Variants in STAT5B observed in about 807,000 individuals in gnomAD.
STAT5B encodes the protein transcription factor STAT5B.
Under a neutral mutation model 107.8 loss-of-function variants are expected in STAT5B, and 21 were observed. The observed-to-expected ratio is 0.19, with a 90% CI of 0.14 to 0.28. STAT5B has a LOEUF of 0.28. Ranked by LOEUF, STAT5B falls within the 10% of genes least tolerant of loss-of-function variation. The pLI is 1.00. For missense variants in STAT5B, 565 were observed against 1,008.2 expected, an observed-to-expected ratio of 0.56 and a Z score of 5.95; for synonymous variants, 325 against 401.7, an observed-to-expected ratio of 0.81 and a Z score of 2.28.
At chr17:42,237,168 C>T (rs934004267) in intron 1 of STAT5B, among the ~76,000 whole-genome samples, 1 of 152,170 alleles carries the variant, frequency 6.6e-6, no homozygotes, top group Non-Finnish European at 1.5e-5. Flanking sequence ...GCATAAAGCA[C>T]CTACCTCAAC....
chr17:42,256,357 A>C (rs1023698453), intron 1 of STAT5B, among the ~76,000 whole-genome samples: 2 of 152,070 alleles, frequency 1.3e-5, no homozygotes, highest in African/African-American at 4.8e-5. Context: ...CTGGGATTAT[A>C]GGCATGAGCC....
Position 42,205,215 on chromosome 17 carries a change from G to A in STAT5B, c.2077+2343C>T, listed in dbSNP as rs148859195. Among the ~76,000 whole-genome samples the A allele has an allele frequency of 1.4e-3, 212 of 151,914 alleles. 5 individuals are homozygous for A. In the East Asian group the frequency reaches 0.034, roughly 25 times the overall value. ...GCTAATTTTTGTATGTTTTTTAGTA[G>A]AGATGGGGTTTCACCATGTTGGCCA... On this transcript the variant is annotated intron_variant, in intron 16 of 18. Transcript: ENST00000293328.
intron 1 of STAT5B, among the ~76,000 whole-genome samples, chr17:42,255,614 G>A (rs902556692): frequency 2.6e-5 from 4 of 152,198 alleles, no homozygotes; most frequent in African/African-American, 9.6e-5. Flanking sequence ...AACTCATAGA[G>A]ACAGAAAGAA....
chr17:42,226,867 A>G (rs1186977903), intron 3 of STAT5B, among the ~76,000 whole-genome samples: 1 of 149,124 alleles, frequency 6.7e-6, no homozygotes, highest in African/African-American at 2.5e-5. Context: ...GCTCATGCCT[A>G]TAATTTCAAC....
intron 4 of STAT5B, among the ~76,000 whole-genome samples, chr17:42,224,239 A>C (rs543345421): frequency 1.4e-4 from 22 of 152,250 alleles, no homozygotes; most frequent in Non-Finnish European, 1.6e-4. Context: ...TTTACTAAAA[A>C]ATTATTCAGC....
At chr17:42,251,319 A>G (rs2080497766) in intron 1 of STAT5B, among the ~76,000 whole-genome samples, 1 of 152,244 alleles carries the variant, frequency 6.6e-6, no homozygotes, top group Non-Finnish European at 1.5e-5. Flanking sequence ...ACTTGTGGTC[A>G]GAATTAGCAA....
intron 16 of STAT5B, among the ~76,000 whole-genome samples, chr17:42,205,105 G>A (rs2080075429): frequency 6.6e-6 from 1 of 152,078 alleles, no homozygotes; most frequent in Non-Finnish European, 1.5e-5. Context: ...TTGGCTCACT[G>A]CAACCTCCGC....
intron 1 of STAT5B, among the ~76,000 whole-genome samples, chr17:42,239,266 AAGG>A (rs2144319852): frequency 6.6e-6 from 1 of 151,490 alleles, no homozygotes; most frequent in East Asian, 1.9e-4. Flanking sequence ...AAAAAAAAAA[AAGG>A]AGAAGAAAAC....
At chr17:42,237,031 AT>A (rs770655223) in intron 1 of STAT5B, among the ~76,000 whole-genome samples, 1 of 152,194 alleles carries the variant, frequency 6.6e-6, no homozygotes, top group Non-Finnish European at 1.5e-5. Flanking sequence ...TGGGAAATGG[AT>A]TCACAATCTT....
intron 1 of STAT5B, among the ~76,000 whole-genome samples, chr17:42,259,146 C>A (rs2080572331): frequency 6.6e-6 from 1 of 152,176 alleles, no homozygotes; most frequent in Non-Finnish European, 1.5e-5. Context: ...ATACCTGAAA[C>A]AGGGTGGGCT....
chr17:42,211,987 G>A lies in STAT5B; in HGVS notation c.1677C>T (p.Asn559=), dbSNP rs1198315741. The A allele has an allele frequency of 1.9e-6, 3 of 1,611,096 alleles. No individual in the cohort carries two copies. The highest frequency in any genetic ancestry group is 2.5e-6 in the Non-Finnish European group (3 of 1,178,728). The change falls in exon 13 of 19, where the codon AAC becomes AAT. Residue 559 remains asparagine (N), a synonymous_variant. Transcript: ENST00000293328. ...GGCTGGCAGCTGGGCTCCTCACCCT[G>A]TTGAACTGGGACCAGGACACAGACA... ...SGLSVSWSQF[N]RENLPGRNYT...
Position 42,210,390 on chromosome 17 carries a change from T to C in STAT5B, c.1775+13A>G. On this transcript the variant is annotated intron_variant, in intron 14 of 18. Transcript: ENST00000293328. Reference sequence around the variant, plus strand: ...CAGACTCTGTCGGCGCCTTAAGAAATAATGATTCTCACCCATCATTCCAAT... The same window carrying C: ...CAGACTCTGTCGGCGCCTTAAGAAACAATGATTCTCACCCATCATTCCAAT... 1 of 1,614,076 alleles carries C rather than the reference T, an allele frequency of 6.2e-7. No homozygotes were observed. Among genetic ancestry groups the C allele is most frequent in the Non-Finnish European group, 8.5e-7 (1 of 1,180,002 alleles).
intron 1 of STAT5B, chr17:42,234,697 T>G (rs1010797065): frequency 1.3e-5 from 2 of 152,208 alleles, no homozygotes; most frequent in African/African-American, 4.8e-5. Context: ...CCGTCTCTAC[T>G]AAAATTACAA....
At chr17:42,256,630 C>T (rs963363752) in intron 1 of STAT5B, among the ~76,000 whole-genome samples, 7 of 151,992 alleles carry the variant, frequency 4.6e-5, no homozygotes, top group African/African-American at 7.3e-5. Context: ...GAGGCTGAGG[C>T]GAGCAGGTCA....
chr17:42,225,824 A>G (rs1471248743), intron 3 of STAT5B, among the ~76,000 whole-genome samples: 1 of 152,176 alleles, frequency 6.6e-6, no homozygotes, highest in Non-Finnish European at 1.5e-5. Flanking sequence ...ACAGCCAACT[A>G]TATTTAGAAG....
At position 42,223,512 on chromosome 17, in the gene STAT5B, T is replaced by C. The variant is rs1325996484; in HGVS notation, c.420A>G (p.Lys140=). The change falls in exon 5 of 19, where the codon AAA becomes AAG. Residue 140 remains lysine, a synonymous_variant. Coordinates refer to ENST00000293328, the MANE Select transcript of STAT5B (RefSeq NM_012448.4). ...CAAACGTCTGGTTGATCTGGAGGTG[T>C]TTCTGGGACATGGCATCAGCAAGGC... ...AGSLADAMSQ[K]HLQINQTFEE... is the part of the protein sequence containing the mutation. 1 of 1,613,974 alleles carries C rather than the reference T, an allele frequency of 6.2e-7. No individual in the cohort carries two copies. The highest frequency in any genetic ancestry group is 1.3e-5 in the African/African-American group (1 of 74,890).
intron 1 of STAT5B, among the ~76,000 whole-genome samples, chr17:42,265,439 C>T (rs1033319035): frequency 7.0e-6 from 1 of 143,010 alleles, no homozygotes; most frequent in Admixed American, 6.9e-5. Context: ...AGTGTGATCT[C>T]GGCTCACAGC....
At chr17:42,206,436 C>G (rs1460238446) in intron 16 of STAT5B, among the ~76,000 whole-genome samples, 5 of 152,028 alleles carry the variant, frequency 3.3e-5, no homozygotes, top group Non-Finnish European at 7.4e-5. Flanking sequence ...GCTAGATAAC[C>G]TCCACACAGG....
intron 1 of STAT5B, among the ~76,000 whole-genome samples, chr17:42,250,315 C>T (rs963913967): frequency 2.0e-5 from 3 of 151,984 alleles, no homozygotes; most frequent in African/African-American, 7.3e-5. Flanking sequence ...TCTGAGAATA[C>T]CTAGTTTGAA....
Sources: gnomAD v4.1 joint callset for allele counts (sites outside exome capture counted in the v4.1 genomes callset) on GRCh38, gnomAD v4.1.1 for gene constraint, MANE v1.5 for transcripts, NCBI Gene and HGNC (gene_info 2026-07-23, HGNC 2026-07-21) for gene names.